The following LIPI variants were observed in gnomAD, a reference collection of about 807,000 sequenced individuals.
The protein encoded by LIPI is lipase I, also known as lipase member I.
In LIPI, 59 loss-of-function variants were observed where a neutral mutation model predicts 50.6. The ratio of observed to expected loss-of-function variants is 1.16; its 90% CI spans 0.94 to 1.45. The LOEUF is 1.45. Ranked by LOEUF, LIPI falls within the 40% of genes most tolerant of loss-of-function variation. The probability of loss-of-function intolerance (pLI) is 0.00; values close to 1 mark genes in which losing one functional copy is unlikely to be tolerated. For synonymous variants in LIPI, 203 were observed against 178.2 expected (o/e 1.14, Z -1.11); for missense variants, 586 against 536.3 (o/e 1.09, Z -0.92).
At chr21:14,142,483 A>G (rs985970094) in intron 9 of LIPI, among the ~76,000 whole-genome samples, 13 of 148,866 alleles carry the variant, frequency 8.7e-5, no homozygotes, top group African/African-American at 3.0e-4. Context: ...TATTATATAT[A>G]TATTTTGTTG....
At chr21:14,111,418 C>T (rs1016350909) in intron 9 of LIPI, among the ~76,000 whole-genome samples, 4 of 152,002 alleles carry the variant, frequency 2.6e-5, no homozygotes, top group African/African-American at 9.7e-5. Flanking sequence ...AGATCCTTTG[C>T]CCAATTTTTA....
At chr21:14,185,930 T>C (rs2019438202) in intron 3 of LIPI, 31 bp downstream of exon 3, 2 of 1,233,540 alleles carry the variant, frequency 1.6e-6, no homozygotes, top group Non-Finnish European at 2.4e-6. Context: ...AAAAGTATGC[T>C]AAAGCAATAA....
intron 7 of LIPI, among the ~76,000 whole-genome samples, chr21:14,161,832 ATATATAATATATACATTAT>A: frequency 1.1e-5 from 1 of 94,382 alleles, no homozygotes; most frequent in Admixed American, 1.4e-4. Context: ...ATATATATTA[ATATATAATATATACATTAT>A]TATATATAAT....
intron 1 of LIPI, among the ~76,000 whole-genome samples, chr21:14,192,810 T>A (rs977287887): frequency 3.9e-5 from 6 of 152,200 alleles, no homozygotes; most frequent in African/African-American, 1.4e-4. Flanking sequence ...CACACAAGCA[T>A]AAGCTGGGAA....
intron 9 of LIPI, among the ~76,000 whole-genome samples, chr21:14,137,154 C>A (rs1397911598): frequency 3.3e-5 from 5 of 152,044 alleles, no homozygotes; most frequent in Non-Finnish European, 7.4e-5. Context: ...CAATAAACAC[C>A]TAACTCTTCA....
At chr21:14,118,955 G>A (rs1169184707) in intron 9 of LIPI, among the ~76,000 whole-genome samples, 1 of 152,182 alleles carries the variant, frequency 6.6e-6, no homozygotes, top group Admixed American at 6.5e-5. Context: ...GCCTATACAA[G>A]CCTTAAAGGC....
intron 9 of LIPI, among the ~76,000 whole-genome samples, chr21:14,126,997 T>C (rs2017093562): frequency 6.6e-6 from 1 of 152,212 alleles, no homozygotes; most frequent in Non-Finnish European, 1.5e-5. Context: ...TACTGTTACA[T>C]AAAATTTTTG....
rs376460198 is a variant in LIPI at position 14,194,034 on chromosome 21, C to G, written c.47-4615G>C. Among the ~76,000 whole-genome samples, 7 of 152,162 alleles carry G rather than the reference C, an allele frequency of 4.6e-5. No homozygotes were observed. In the South Asian group the frequency reaches 8.3e-4, roughly 18 times the overall value. On this transcript the variant is annotated intron_variant, in intron 1 of 9. Coordinates refer to ENST00000681601, the MANE Select transcript of LIPI (RefSeq NM_001302998.2). ...CAAAAGTTCCATAAGCTTATGAAAA[C>G]AAGCTCAATATCACTATCACTAATA...
At chr21:14,208,990 G>T (rs1277496772) in intron 1 of LIPI, among the ~76,000 whole-genome samples, 1 of 152,160 alleles carries the variant, frequency 6.6e-6, no homozygotes, top group Admixed American at 6.5e-5. Context: ...GGTCGAGGCT[G>T]TAGTGAGCCA....
chr21:14,119,705 T>C (rs1037934019), intron 9 of LIPI, among the ~76,000 whole-genome samples: 1 of 152,188 alleles, frequency 6.6e-6, no homozygotes, highest in Non-Finnish European at 1.5e-5. Flanking sequence ...GCCTTTTACC[T>C]GTATGTTCAT....
At chr21:14,163,647 A>G in intron 6 of LIPI, 124 bp from the exon 7 acceptor site, 1 of 648,138 alleles carries the variant, frequency 1.5e-6, no homozygotes, top group Non-Finnish European at 2.8e-6. Flanking sequence ...GGATTTTGAT[A>G]ACTTAAAAAG....
At chr21:14,161,645 CATT>C (rs1451061626) in intron 7 of LIPI, among the ~76,000 whole-genome samples, 3 of 99,648 alleles carry the variant, frequency 3.0e-5, no homozygotes, top group African/African-American at 4.4e-5. Flanking sequence ...ATAATATATA[CATT>C]ATTATATATT....
At chr21:14,149,387 T>C (rs1208155193) in intron 8 of LIPI, among the ~76,000 whole-genome samples, 1 of 152,166 alleles carries the variant, frequency 6.6e-6, no homozygotes, top group Non-Finnish European at 1.5e-5. Flanking sequence ...ATTATTACAA[T>C]TCAAGGTGAG....
intron 8 of LIPI, among the ~76,000 whole-genome samples, chr21:14,148,181 G>T (rs2123076483): frequency 6.6e-6 from 1 of 152,146 alleles, no homozygotes; most frequent in Non-Finnish European, 1.5e-5. Flanking sequence ...TGCACATAGG[G>T]GCATGTACAA....
chr21:14,166,698 C>T (rs144192617), intron 4 of LIPI, among the ~76,000 whole-genome samples: 10 of 152,056 alleles, frequency 6.6e-5, no homozygotes, highest in East Asian at 3.9e-4. Flanking sequence ...GTGGTATGAC[C>T]GCATAAGTGA....
At chr21:14,134,082 A>T (rs983193853) in intron 9 of LIPI, among the ~76,000 whole-genome samples, 1 of 151,934 alleles carries the variant, frequency 6.6e-6, no homozygotes, top group African/African-American at 2.4e-5. Flanking sequence ...TTTAAAAAAA[A>T]TAGTCAGGCA....
Position 14,168,726 on chromosome 21 carries a change from G to C in LIPI, c.644-2275C>G, listed in dbSNP as rs374958947. 2.2e-4 allele frequency among the ~76,000 whole-genome samples: 33 copies of C among 152,186 alleles called. No individual in the cohort carries two copies. The East Asian group carries it at 2.7e-3, about 12-fold the overall frequency. ...AGCTCCTGAAGGAAGCACTAAACAT[G>C]GAAAGGAAAAACCGGTACCAGCCAC... On this transcript the variant is annotated intron_variant, in intron 4 of 9. Transcript: ENST00000681601.
chr21:14,140,369 C>T (rs945088428), intron 9 of LIPI, among the ~76,000 whole-genome samples: 4 of 151,928 alleles, frequency 2.6e-5, no homozygotes, highest in Non-Finnish European at 4.4e-5. Flanking sequence ...TCAACTAGAA[C>T]GTATTTTAAA....
Position 14,119,319 on chromosome 21 carries a change from G to A in LIPI, c.1296-10239C>T, listed in dbSNP as rs963334505. Among the ~76,000 whole-genome samples, 14 of 152,196 alleles carry A rather than the reference G, an allele frequency of 9.2e-5. 1 individual carries two copies. Among genetic ancestry groups the A allele is most frequent in the Admixed American group, 9.2e-4 (14 of 15,280 alleles). On this transcript the variant is annotated intron_variant, in intron 9 of 9. Coordinates refer to ENST00000681601, the MANE Select transcript of LIPI (RefSeq NM_001302998.2). ...GAAAGGAATGTATGCAAGGAACAGA[G>A]AGTCTCCTTTGAGCGCTGTGGAAAG... is the stretch of plus-strand genomic sequence containing the variant.
Sources: gnomAD v4.1 joint callset for allele counts (sites outside exome capture counted in the v4.1 genomes callset) on GRCh38, gnomAD v4.1.1 for gene constraint, MANE v1.5 for transcripts, NCBI Gene and HGNC (gene_info 2026-07-23, HGNC 2026-07-21) for gene names.